The following CCNY variants were observed in gnomAD, a reference collection of about 807,000 sequenced individuals.
CCNY encodes the protein cyclin Y.
A neutral mutation model predicts 42.8 loss-of-function variants in CCNY; 19 were observed. That is an observed-to-expected ratio of 0.44 (90% CI 0.31 to 0.65). CCNY has a LOEUF of 0.65. Among genes scored for constraint, CCNY ranks in the 30% least tolerant of loss-of-function variants. The probability of loss-of-function intolerance (pLI) is 0.07; values close to 1 mark genes in which losing one functional copy is unlikely to be tolerated. For missense variants in CCNY, 370 were observed against 437.3 expected (o/e 0.85, Z 1.37); for synonymous variants, 165 against 162.7 (o/e 1.01, Z -0.11).
intron 1 of CCNY, among the ~76,000 whole-genome samples, chr10:35,368,372 G>A: frequency 6.6e-6 from 1 of 152,136 alleles, no homozygotes; most frequent in East Asian, 1.9e-4. Context: ...AATTTGCAGA[G>A]GGAAAAAAGC....
intron 1 of CCNY, among the ~76,000 whole-genome samples, chr10:35,443,759 C>T (rs1223656646): frequency 6.6e-6 from 1 of 152,242 alleles, no homozygotes; most frequent in Non-Finnish European, 1.5e-5. Context: ...CCTGTACAGG[C>T]CCAAGAAAGC....
chr10:35,511,597 G>T (rs781570165), intron 3 of CCNY, among the ~76,000 whole-genome samples: 5 of 152,196 alleles, frequency 3.3e-5, no homozygotes, highest in Non-Finnish European at 5.9e-5. Context: ...ATGGCTTTAA[G>T]CTCTGGTGTC....
intron 1 of CCNY, among the ~76,000 whole-genome samples, chr10:35,430,230 G>C (rs1274927974): frequency 6.7e-6 from 1 of 149,144 alleles, no homozygotes; most frequent in African/African-American, 2.5e-5. Context: ...CCAGCTACTT[G>C]GGAGGCTGAG....
chr10:35,404,980 A>G (rs1290065101), intron 1 of CCNY, among the ~76,000 whole-genome samples: 7 of 152,160 alleles, frequency 4.6e-5, no homozygotes, highest in Non-Finnish European at 1.0e-4. Context: ...TAAAGAAAGC[A>G]TGTTTGAGAT....
At position 35,337,063 on chromosome 10, in the gene CCNY, A is replaced by C. The variant is rs1472897263; in HGVS notation, c.10A>C (p.Thr4Pro). ...CGGGGGGCCGCCGAAGATGGGGAACACTACCTCGTGCTGCGTGTCGTCCAG... is the reference window on the plus strand; with the variant it reads ...CGGGGGGCCGCCGAAGATGGGGAACCCTACCTCGTGCTGCGTGTCGTCCAG... MGN[T>P]TSCCVSSSPK... Residue 4 changes from threonine (T) to proline (P), a missense_variant, in exon 1 of 10, where the codon ACT becomes CCT. Thr to Pro is a conservative substitution (Grantham distance 38, BLOSUM62 -1). Transcript: ENST00000374704. 1.9e-6 allele frequency: 3 copies of C among 1,580,982 alleles called. No individual in the cohort carries two copies. The African/African-American group carries it at 4.2e-5, about 22-fold the overall frequency.
chr10:35,473,982 G>A (rs543707365), intron 1 of CCNY, among the ~76,000 whole-genome samples: 1 of 152,214 alleles, frequency 6.6e-6, no homozygotes, highest in Non-Finnish European at 1.5e-5. Flanking sequence ...TGCCTCACTC[G>A]GGAAGCGCAA....
chr10:35,558,286 C>CAACTGGGAAAGAAGAAGCCA, intron 8 of CCNY, among the ~76,000 whole-genome samples: 1 of 152,276 alleles, frequency 6.6e-6, no homozygotes, highest in African/African-American at 2.4e-5. Context: ...AGGAGAAGAG[C>CAACTGGGAAAGAAGAAGCCA]AACTGGGAAA....
At chr10:35,269,085 G>A (rs2095728487) in intron 3 of CCNY, among the ~76,000 whole-genome samples, 1 of 152,196 alleles carries the variant, frequency 6.6e-6, no homozygotes, top group South Asian at 2.1e-4. Context: ...CTATCCTTAA[G>A]AATACTTTTT....
At chr10:35,333,895 G>A (rs184279770), upstream of CCNY, among the ~76,000 whole-genome samples, 24 of 152,100 alleles carry the variant, frequency 1.6e-4, no homozygotes, top group African/African-American at 5.5e-4. Flanking sequence ...TGTGGGGGTC[G>A]GCACCCAGGT....
chr10:35,543,263 T>C (rs1841041502), intron 7 of CCNY, among the ~76,000 whole-genome samples: 1 of 152,120 alleles, frequency 6.6e-6, no homozygotes, highest in Non-Finnish European at 1.5e-5. Context: ...CTGTGACATA[T>C]TACAATGTCA....
chr10:35,530,505 A>C lies in CCNY; in HGVS notation c.579+262A>C, dbSNP rs1273964430. Among the ~76,000 whole-genome samples the C allele has an allele frequency of 2.6e-5, 4 of 152,262 alleles. No individual in the cohort carries two copies. The highest frequency in any genetic ancestry group is 9.6e-5 in the African/African-American group (4 of 41,472). On this transcript the variant is annotated intron_variant, in intron 7 of 9. Transcript: ENST00000374704. This position sits in a 1 kb window ranked among gnomAD's most constrained non-coding sequence, Gnocchi z 4.3. Reference sequence around the variant, plus strand: ...AATCCAGGAAATGCTGAAATTAAAAATGCAGGTAAGTAAAACAGTAGGGCT... The same window carrying C: ...AATCCAGGAAATGCTGAAATTAAAACTGCAGGTAAGTAAAACAGTAGGGCT...
At chr10:35,406,650 C>G (rs1424568999) in intron 1 of CCNY, among the ~76,000 whole-genome samples, 1 of 152,214 alleles carries the variant, frequency 6.6e-6, no homozygotes, top group East Asian at 1.9e-4. Flanking sequence ...GACACGGCAA[C>G]CATCCGATTT....
intron 8 of CCNY, among the ~76,000 whole-genome samples, chr10:35,554,913 C>T (rs1412786696): frequency 1.3e-5 from 2 of 152,096 alleles, no homozygotes; most frequent in Non-Finnish European, 2.9e-5. Flanking sequence ...GGAGGAGATG[C>T]CTTTTGTACT....
chr10:35,282,612 A>G (rs1341539388), intron 3 of CCNY, among the ~76,000 whole-genome samples: 11 of 151,302 alleles, frequency 7.3e-5, no homozygotes, highest in Admixed American at 3.3e-4. Context: ...CTCCCAAGCT[A>G]CTTGGGAGGC....
chr10:35,534,346 GA>G (rs557907330), intron 7 of CCNY, among the ~76,000 whole-genome samples: 1 of 152,134 alleles, frequency 6.6e-6, no homozygotes, highest in Admixed American at 6.5e-5. Flanking sequence ...TGAAGGGACA[GA>G]AAAAAACTCG....
chr10:35,505,037 CTT>C (rs113033882), intron 3 of CCNY, among the ~76,000 whole-genome samples: 4 of 135,110 alleles, frequency 3.0e-5, no homozygotes, highest in African/African-American at 5.3e-5. Flanking sequence ...TTTGACTTTG[CTT>C]TTTTTTTTTT....
At chr10:35,498,996 C>T (rs1463631030) in intron 2 of CCNY, among the ~76,000 whole-genome samples, 1 of 152,186 alleles carries the variant, frequency 6.6e-6, no homozygotes, top group Non-Finnish European at 1.5e-5. Context: ...TTTCGTTTTT[C>T]TTCACCATTC....
chr10:35,340,358 G>A (rs1836149001), intron 1 of CCNY, among the ~76,000 whole-genome samples: 1 of 152,150 alleles, frequency 6.6e-6, no homozygotes, highest in African/African-American at 2.4e-5. Flanking sequence ...TCCAGGATTA[G>A]ATTATTTCTG....
At chr10:35,370,410 C>T (rs1188795509) in intron 1 of CCNY, among the ~76,000 whole-genome samples, 1 of 152,032 alleles carries the variant, frequency 6.6e-6, no homozygotes, top group Non-Finnish European at 1.5e-5. Context: ...TTCGGCCTCC[C>T]AGAGTGTTGG....
Sources: gnomAD v4.1 joint callset for allele counts (sites outside exome capture counted in the v4.1 genomes callset) on GRCh38, gnomAD v4.1.1 for gene constraint, Gnocchi (gnomAD v3.1) non-coding constraint, MANE v1.5 for transcripts, NCBI Gene and HGNC (gene_info 2026-07-23, HGNC 2026-07-21) for gene names.